SLC25A25: variants seen among roughly 807,000 people sequenced by gnomAD.
SLC25A25 encodes solute carrier family 25 member 25.
In SLC25A25, 32 loss-of-function variants were observed where a neutral mutation model predicts 57.7. The observed-to-expected ratio is 0.55, with a 90% CI of 0.42 to 0.74. SLC25A25 has a LOEUF of 0.74. Among genes scored for constraint, SLC25A25 ranks in the 30% least tolerant of loss-of-function variants. The pLI, the probability that SLC25A25 is intolerant of heterozygous loss-of-function variation, is 0.00. For missense variants in SLC25A25, 556 were observed against 701.3 expected (o/e 0.79, Z 2.34); for synonymous variants, 306 against 291.2 (o/e 1.05, Z -0.52).
Position 128,068,450 on chromosome 9 carries a change from C to T in SLC25A25, c.131C>T (p.Pro44Leu), listed in dbSNP as rs770209590. The change falls in exon 1 of 11, where the codon CCG (proline) becomes CTG (leucine). Residue 44 changes from proline to leucine, a missense_variant. Physicochemically the swap from Pro to Leu is moderately conservative, Grantham distance 98 (BLOSUM62 -3). This residue lies in a region of SLC25A25 where 248 missense variants were observed against 273.5 expected (regional missense o/e 0.91). Coordinates refer to ENST00000373069, the MANE Select transcript of SLC25A25 (RefSeq NM_001330988.2). ...TGCGGCGGCGCTATCTGCGGGGGCC[C>T]GGACCACCGGCTGCGCCTGTGGAGA... ...DPCGGAICGG[P>L]DHRLRLWRLF... 5 of 1,555,858 alleles carry T rather than the reference C, an allele frequency of 3.2e-6. No homozygotes were observed. The Admixed American group carries it at 5.6e-5, about 18-fold the overall frequency.
chr9:128,105,671 C>T lies in SLC25A25; in HGVS notation c.784-58C>T, dbSNP rs192337629. 2.6e-4 allele frequency: 416 copies of T among 1,610,814 alleles called. 1 individual carries two copies. The African/African-American group carries it at 4.7e-3, about 18-fold the overall frequency. On this transcript the variant is annotated intron_variant, in intron 6 of 10. Coordinates refer to ENST00000373069, the MANE Select transcript of SLC25A25 (RefSeq NM_001330988.2). ...CGGTTGGCCAGCAGAGGCTCTTGGCCGGGTGAGGCAGCCTGTGGCCCCCCG... is the reference window on the plus strand; with the variant it reads ...CGGTTGGCCAGCAGAGGCTCTTGGCTGGGTGAGGCAGCCTGTGGCCCCCCG...
chr9:128,092,602 G>A (rs1175660033), intron 1 of SLC25A25, among the ~76,000 whole-genome samples: 1 of 152,104 alleles, frequency 6.6e-6, no homozygotes, highest in East Asian at 1.9e-4. Context: ...TCCGAGGAGA[G>A]GCTGGAGTCA....
chr9:128,100,722 G>A (rs1002296645), intron 1 of SLC25A25: 6 of 208,918 alleles, frequency 2.9e-5, no homozygotes, highest in African/African-American at 9.4e-5. Context: ...ACCCAGGGAC[G>A]GCGCTGCAGC....
chr9:128,099,110 C>T lies in SLC25A25; in HGVS notation c.262-1986C>T, dbSNP rs745442263. On this transcript the variant is annotated intron_variant, in intron 1 of 10. Transcript: ENST00000373069. This position sits in a 1 kb window ranked among gnomAD's most constrained non-coding sequence, Gnocchi z 6.8. ...GAGGGTGCTGCGTGGTGGAGCTGCCCGTCCCTGGTGTGGGGGTGAGGGAGC... is the reference window on the plus strand; with the variant it reads ...GAGGGTGCTGCGTGGTGGAGCTGCCTGTCCCTGGTGTGGGGGTGAGGGAGC... 5.8e-4 allele frequency: 569 copies of T among 985,230 alleles called. 1 individual carries two copies. The highest frequency in any genetic ancestry group is 6.5e-4 in the Non-Finnish European group (541 of 829,898). The allele number at this position is 985,230 out of a possible 1,614,324, so 61.0% of individuals were successfully genotyped here.
At chr9:128,091,546 CTTTTTT>C (rs757342831) in intron 1 of SLC25A25, 8 of 854,224 alleles carry the variant, frequency 9.4e-6, no homozygotes, top group African/African-American at 6.0e-5. Context: ...TTTTCCTTTT[CTTTTTT>C]TTTTTTTTTA....
chr9:128,092,239 T>C (rs990246275), intron 1 of SLC25A25: 1 of 1,060,090 alleles, frequency 9.4e-7, no homozygotes, highest in Non-Finnish European at 1.3e-6. Flanking sequence ...AGCCCACAAA[T>C]GCAATCTAAA....
chr9:128,106,982 T>A (rs1463199880), intron 9 of SLC25A25, 47 bp from the exon 10 acceptor site: 3 of 1,585,458 alleles, frequency 1.9e-6, no homozygotes, highest in Non-Finnish European at 2.6e-6. Context: ...TCTTGCTGCC[T>A]CACTAGCCCT....
chr9:128,087,280 G>A (rs9774850), intron 1 of SLC25A25, among the ~76,000 whole-genome samples: 112,633 of 151,668 alleles, frequency 0.74, 43,629 homozygotes, highest in Non-Finnish European at 0.85. Context: ...TTTTTGAGAC[G>A]GAGTCTCACT....
chr9:128,072,623 C>G (rs1034671845), intron 1 of SLC25A25, among the ~76,000 whole-genome samples: 1 of 152,042 alleles, frequency 6.6e-6, no homozygotes, highest in Non-Finnish European at 1.5e-5. Flanking sequence ...TGGAAGTGGG[C>G]AGAGAAACCG....
chr9:128,080,714 C>T (rs1833138415), intron 1 of SLC25A25, among the ~76,000 whole-genome samples: 2 of 152,126 alleles, frequency 1.3e-5, no homozygotes, highest in African/African-American at 4.8e-5. Flanking sequence ...CGTGAGCCAC[C>T]ACCCCCAGCC....
chr9:128,088,484 C>T (rs957816106), intron 1 of SLC25A25, among the ~76,000 whole-genome samples: 1 of 152,230 alleles, frequency 6.6e-6, no homozygotes, highest in African/African-American at 2.4e-5. Context: ...CCCAGCCTCT[C>T]AGCCCCATCT....
chr9:128,092,243 A>G (rs1833430524), intron 1 of SLC25A25, among the ~76,000 whole-genome samples: 1 of 152,138 alleles, frequency 6.6e-6, no homozygotes, highest in South Asian at 2.1e-4. Context: ...CACAAATGCA[A>G]TCTAAAATCT....
intron 1 of SLC25A25, chr9:128,098,815 G>A: frequency 6.5e-7 from 1 of 1,536,666 alleles, no homozygotes; most frequent in Non-Finnish European, 8.7e-7. Context: ...ATCCCCCACT[G>A]AGAGGAAAGA....
chr9:128,069,821 G>C (rs924276716), intron 1 of SLC25A25, among the ~76,000 whole-genome samples: 1 of 149,792 alleles, frequency 6.7e-6, no homozygotes, highest in African/African-American at 2.6e-5. Context: ...GTGCAATCTT[G>C]GCTCACTGCA....
chr9:128,107,798 C>T lies in SLC25A25; in HGVS notation c.*354C>T, dbSNP rs984119892. The T allele has an allele frequency of 1.7e-5, 7 of 406,102 alleles. No individual in the cohort carries two copies. Among genetic ancestry groups the T allele is most frequent in the Non-Finnish European group, 3.0e-5 (7 of 230,410 alleles). 25.2% of individuals were successfully genotyped at this position (406,102 alleles called of 1,614,324 possible). On this transcript the variant is annotated 3_prime_UTR_variant, in exon 11 of 11. Coordinates refer to ENST00000373069, the MANE Select transcript of SLC25A25 (RefSeq NM_001330988.2). The stretch of plus-strand genomic sequence containing the variant: ...TCTTCCATTTCACCCTTGCAGCCAG[C>T]TGTTGGCCACGGCCCCTGCCCTCTG...
At chr9:128,074,394 C>T (rs1000522010) in intron 1 of SLC25A25, among the ~76,000 whole-genome samples, 1 of 151,972 alleles carries the variant, frequency 6.6e-6, no homozygotes, top group Non-Finnish European at 1.5e-5. Flanking sequence ...GTCCCATACC[C>T]TGATCCTAAA....
intron 1 of SLC25A25, among the ~76,000 whole-genome samples, chr9:128,070,993 A>T (rs1832897161): frequency 6.6e-6 from 1 of 152,106 alleles, no homozygotes; most frequent in Admixed American, 6.6e-5. Context: ...AAAAGAAAAA[A>T]TAGGAAGGCT....
chr9:128,086,414 A>G (rs937221395), intron 1 of SLC25A25, among the ~76,000 whole-genome samples: 5 of 148,488 alleles, frequency 3.4e-5, no homozygotes, highest in African/African-American at 1.3e-4. Flanking sequence ...GCGCACCGCA[A>G]CCTCCACCTC....
intron 1 of SLC25A25, among the ~76,000 whole-genome samples, chr9:128,076,014 G>A (rs1833003659): frequency 1.3e-5 from 2 of 152,078 alleles, no homozygotes; most frequent in South Asian, 2.1e-4. Flanking sequence ...AAAGTGCTGG[G>A]ATTACAGACC....
Sources: allele counts gnomAD v4.1 joint callset (sites outside exome capture counted in the v4.1 genomes callset), GRCh38; gene constraint gnomAD v4.1.1; regional missense constraint gnomAD v4.1.1; non-coding constraint Gnocchi (gnomAD v3.1); transcripts MANE v1.5; gene names NCBI Gene and HGNC (gene_info 2026-07-23, HGNC 2026-07-21).